The following TIAM2 variants were observed in gnomAD, a reference collection of about 807,000 sequenced individuals.
TIAM2 encodes TIAM Rac1 associated GEF 2, also known as rho guanine nucleotide exchange factor TIAM2.
Under a neutral mutation model 152.9 loss-of-function variants are expected in TIAM2, and 80 were observed. That is an observed-to-expected ratio of 0.52 (90% CI 0.44 to 0.63). TIAM2 has a LOEUF of 0.63. TIAM2 is among the 30% of genes least tolerant of loss of function. The pLI is 0.00. For missense variants in TIAM2, 1,965 were observed against 2,120.1 expected (o/e 0.93, Z 1.44); for synonymous variants, 804 against 838.0 (o/e 0.96, Z 0.70).
intron 10 of TIAM2, among the ~76,000 whole-genome samples, chr6:155,178,165 T>TAAA (rs557378875): frequency 4.8e-4 from 40 of 83,248 alleles, no homozygotes; most frequent in Non-Finnish European, 7.0e-4. Context: ...CGTCTCAAAT[T>TAAA]AAAAAAAAAA....
chr6:155,230,415 G>A (rs140092438), intron 15 of TIAM2, among the ~76,000 whole-genome samples: 25 of 152,322 alleles, frequency 1.6e-4, no homozygotes, highest in Non-Finnish European at 2.2e-4. Flanking sequence ...AGTGTTAGCT[G>A]TTCCTGTCCT....
chr6:155,217,851 G>T (rs542035490), intron 15 of TIAM2, among the ~76,000 whole-genome samples: 3 of 152,164 alleles, frequency 2.0e-5, no homozygotes, highest in African/African-American at 7.2e-5. Context: ...AAAAAAGAAC[G>T]TGCACTAGTG....
chr6:155,082,666 C>CAATAAGTAAATA (rs1778091310), intron 1 of TIAM2, among the ~76,000 whole-genome samples: 1 of 141,348 alleles, frequency 7.1e-6, no homozygotes, highest in Non-Finnish European at 1.5e-5. Flanking sequence ...AAAAAAACCC[C>CAATAAGTAAATA]AATAAATAAA....
chr6:155,167,402 A>G (rs1780471536), intron 9 of TIAM2, among the ~76,000 whole-genome samples: 1 of 152,030 alleles, frequency 6.6e-6, no homozygotes, highest in Admixed American at 6.6e-5. Flanking sequence ...TTATATTTTT[A>G]GTAGAGACAG....
intron 1 of TIAM2, among the ~76,000 whole-genome samples, chr6:155,078,776 T>C (rs2114963640): frequency 1.3e-5 from 2 of 152,300 alleles, no homozygotes; most frequent in South Asian, 4.1e-4. Flanking sequence ...TCTCTGGAAG[T>C]AGATTCCACA....
intron 17 of TIAM2, among the ~76,000 whole-genome samples, 192 bp downstream of exon 17, chr6:155,244,271 G>A (rs984365012): frequency 7.9e-5 from 12 of 152,210 alleles, no homozygotes; most frequent in African/African-American, 2.9e-4. Context: ...CCCAGTGGCA[G>A]AGTGTTTACA....
chr6:155,023,158 G>A (rs1414892231), intron 1 of TIAM2, among the ~76,000 whole-genome samples: 1 of 150,572 alleles, frequency 6.6e-6, no homozygotes, highest in Non-Finnish European at 1.5e-5. Flanking sequence ...AGATATCTGA[G>A]TTTGACTTGG....
intron 14 of TIAM2, among the ~76,000 whole-genome samples, chr6:155,210,583 C>A (rs146510555): frequency 6.6e-6 from 1 of 152,048 alleles, no homozygotes; most frequent in East Asian, 1.9e-4. Context: ...GTGATTCTCT[C>A]GCCTTGGCCT....
chr6:155,243,121 G>A (rs996181439), intron 16 of TIAM2, among the ~76,000 whole-genome samples: 1 of 152,138 alleles, frequency 6.6e-6, no homozygotes, highest in Non-Finnish European at 1.5e-5. Flanking sequence ...CTGTCCTGCT[G>A]GAACCTCGTT....
rs115075164 is a variant in TIAM2, at chr6:155,069,080, G to A, written c.-208-21209G>A. On this transcript the variant is annotated intron_variant, in intron 1 of 26. Coordinates refer to ENST00000682666, the MANE Select transcript of TIAM2 (RefSeq NM_012454.4). ...ACCACAGGTATGCACCACCACACCTGGCTTTTTTATTTTTTATTTTATTTA... is the reference window on the plus strand; with the variant it reads ...ACCACAGGTATGCACCACCACACCTAGCTTTTTTATTTTTTATTTTATTTA... Among the ~76,000 whole-genome samples, 955 of 151,990 alleles carry A rather than the reference G, an allele frequency of 6.3e-3. 16 individuals are homozygous for A. Among genetic ancestry groups the A allele is most frequent in the African/African-American group, 0.022 (900 of 41,448 alleles).
intron 10 of TIAM2, 25 bp from the exon 11 acceptor site, chr6:155,179,014 T>C: frequency 1.3e-6 from 2 of 1,558,280 alleles, no homozygotes; most frequent in South Asian, 1.1e-5. Context: ...ATTTAAAATC[T>C]GAATAACTGT....
intron 7 of TIAM2, among the ~76,000 whole-genome samples, chr6:155,160,234 C>T (rs1780234208): frequency 6.6e-6 from 1 of 152,022 alleles, no homozygotes; most frequent in African/African-American, 2.4e-5. Context: ...AGGAAGAGCC[C>T]ATGTTTTGTT....
At chr6:155,029,789 TTTTTG>T (rs1394371016) in intron 1 of TIAM2, among the ~76,000 whole-genome samples, 2 of 140,442 alleles carry the variant, frequency 1.4e-5, no homozygotes, top group Admixed American at 7.3e-5. Flanking sequence ...TTTTGTGTTT[TTTTTG>T]TTTTGTTTTG....
At chr6:155,235,575 C>T (rs992039548) in intron 15 of TIAM2, among the ~76,000 whole-genome samples, 7 of 152,260 alleles carry the variant, frequency 4.6e-5, no homozygotes, top group African/African-American at 1.7e-4. Flanking sequence ...ACTCCTTCAG[C>T]TACAATCTGA....
rs998710324 is a variant in TIAM2, at chr6:155,156,123, G to T, written c.2028+7789G>T. 6.6e-6 allele frequency among the ~76,000 whole-genome samples: 1 copy of T among 152,236 alleles called. No individual in the cohort carries two copies. Among genetic ancestry groups the T allele is most frequent in the Non-Finnish European group, 1.5e-5 (1 of 68,040 alleles). Reference sequence around the variant, plus strand: ...TGTGCAGTCATGGAAGACCCTGGAGGAGGGAGGCCAAGTTGCTTCTTGAAA... The same window carrying T: ...TGTGCAGTCATGGAAGACCCTGGAGTAGGGAGGCCAAGTTGCTTCTTGAAA... On this transcript the variant is annotated intron_variant, in intron 7 of 26. Coordinates refer to ENST00000682666, the MANE Select transcript of TIAM2 (RefSeq NM_012454.4). This position sits in a 1 kb window ranked among gnomAD's most constrained non-coding sequence, Gnocchi z 4.4.
chr6:155,185,938 C>A (rs1038972597), intron 14 of TIAM2, among the ~76,000 whole-genome samples: 2 of 152,216 alleles, frequency 1.3e-5, no homozygotes, highest in Non-Finnish European at 2.9e-5. Context: ...TCCCCAGACA[C>A]CACAAACAGA....
chr6:155,233,785 C>T (rs566564773), intron 15 of TIAM2, among the ~76,000 whole-genome samples: 1 of 152,020 alleles, frequency 6.6e-6, no homozygotes, highest in East Asian at 1.9e-4. Flanking sequence ...ATAGTGAGAC[C>T]CTCCCTTCTC....
rs41284214 is a variant in TIAM2 at position 155,165,385 on chromosome 6, G to A, written c.2337G>A (p.Lys779=). ...TGGACACACTGGCCAGAAAAGGCAAGGAGAAGAGACCTTCTATAACTCAGG... is the reference window on the plus strand; with the variant it reads ...TGGACACACTGGCCAGAAAAGGCAAAGAGAAGAGACCTTCTATAACTCAGG... The part of the protein sequence containing the change: ...KGLDTLARKG[K]EKRPSITQVD... Residue 779 remains lysine (K), a synonymous_variant, in exon 9 of 27, where the codon AAG becomes AAA. Transcript: ENST00000682666. 188,338 of 1,613,454 alleles carry A rather than the reference G, an allele frequency of 0.12. 12,184 individuals carry two copies. The highest frequency in any genetic ancestry group is 0.13 in the Non-Finnish European group (157,671 of 1,179,772).
intron 1 of TIAM2, among the ~76,000 whole-genome samples, chr6:155,044,833 A>AG (rs902450272): frequency 2.9e-4 from 44 of 151,680 alleles, no homozygotes; most frequent in African/African-American, 1.0e-3. Context: ...GTCTCGAAAA[A>AG]AAAAAATAGC....
Sources: gnomAD v4.1 joint callset for allele counts (sites outside exome capture counted in the v4.1 genomes callset) on GRCh38, gnomAD v4.1.1 for gene constraint, Gnocchi (gnomAD v3.1) non-coding constraint, MANE v1.5 for transcripts, NCBI Gene and HGNC (gene_info 2026-07-23, HGNC 2026-07-21) for gene names.